Variants in COL6A3 observed in about 807,000 individuals in gnomAD.
The protein encoded by COL6A3 is collagen type VI alpha 3 chain.
In COL6A3, 137 loss-of-function variants were observed where a neutral mutation model predicts 274.1. The ratio of observed to expected loss-of-function variants is 0.50; its 90% CI spans 0.44 to 0.58. The LOEUF is 0.58. Among genes scored for constraint, COL6A3 ranks in the 20% least tolerant of loss-of-function variants. The pLI, the probability that COL6A3 is intolerant of heterozygous loss-of-function variation, is 0.00. For missense variants in COL6A3, 3,950 were observed against 4,124.9 expected (o/e 0.96, Z 1.16); for synonymous variants, 1,650 against 1,650.6 (o/e 1.00, Z 0.01).
rs1166183123 is a variant in COL6A3 at position 237,377,252 on chromosome 2, C to A, written c.2590G>T (p.Asp864Tyr). ...VVRDFLYKII[D>Y]ELNVKPEGTR... ...CCCTCTGGCTTCACATTGAGCTCAT[C>A]GATAATCTTGTAGAGAAAGTCACGG... Residue 864 changes from aspartate to tyrosine, a missense_variant, in exon 7 of 44, where the codon GAT becomes TAT. Physicochemically the swap from Asp to Tyr is radical, Grantham distance 160. Around this residue, in one of 5 missense-constraint regions of COL6A3, gnomAD observed 1,934 missense variants for 1,984.3 expected, o/e 0.97. Transcript: ENST00000295550. The A allele has an allele frequency of 6.2e-7, 1 of 1,610,852 alleles. No homozygotes were observed. The highest frequency in any genetic ancestry group is 1.1e-5 in the South Asian group (1 of 91,058).
intron 42 of COL6A3, chr2:237,333,160 C>T (rs1700351650): frequency 4.2e-6 from 2 of 472,938 alleles, no homozygotes; most frequent in South Asian, 4.8e-5. Context: ...CAACTCGAGT[C>T]CCAGTATGAG....
intron 1 of COL6A3, among the ~76,000 whole-genome samples, chr2:237,401,541 T>C (rs969788989): frequency 4.6e-5 from 7 of 152,122 alleles, no homozygotes; most frequent in South Asian, 4.1e-4. Context: ...TCCAGGACTG[T>C]GAAGCTCAGC....
intron 32 of COL6A3, 80 bp from the exon 33 acceptor site, chr2:237,345,293 A>G (rs368072362): frequency 7.2e-7 from 1 of 1,395,594 alleles, no homozygotes; most frequent in Non-Finnish European, 1.0e-6. Context: ...CCAGAAATAC[A>G]CAGAGCAAGA....
chr2:237,334,858 C>T lies in COL6A3; in HGVS notation c.8997G>A (p.Glu2999=), dbSNP rs2106312577. 6.2e-7 allele frequency: 1 copy of T among 1,614,192 alleles called. No individual in the cohort carries two copies. The highest frequency in any genetic ancestry group is 2.2e-5 in the East Asian group (1 of 44,884). ...GGAGTTTGGCGCTGTTCTCTGTTAT[C>T]TCAAACACCTGGACTTCACGGGACA... ...VKMSREVQVF[E]ITENSAKLHW... The change falls in exon 41 of 44, where the codon GAG becomes GAA. Residue 2999 remains glutamate (E), a synonymous_variant. Transcript: ENST00000295550.
chr2:237,352,187 G>T (rs963203392), intron 26 of COL6A3, among the ~76,000 whole-genome samples: 15 of 152,178 alleles, frequency 9.9e-5, no homozygotes, highest in Non-Finnish European at 1.9e-4. Flanking sequence ...GACCAAAGGG[G>T]AAACACCTTG....
In COL6A3 at chr2:237,375,004, G is replaced by A. The variant is rs113066678; in HGVS notation, c.3087C>T (p.Asp1029=). ...CAGAGCCATCAAGCAGAAACACCACGTCCTTTTCACCTGAAACTGGGAGGA... is the reference window on the plus strand; with the variant it reads ...CAGAGCCATCAAGCAGAAACACCACATCCTTTTCACCTGAAACTGGGAGGA... ...GAPAPVSGEK[D]VVFLLDGSEG... The change falls in exon 8 of 44, where the codon GAC becomes GAT. Residue 1029 remains aspartate, a synonymous_variant. Coordinates refer to ENST00000295550, the MANE Select transcript of COL6A3 (RefSeq NM_004369.4). The A allele has an allele frequency of 5.7e-3, 9,260 of 1,613,724 alleles. 30 individuals are homozygous for A. Among genetic ancestry groups the A allele is most frequent in the Non-Finnish European group, 7.0e-3 (8,267 of 1,180,016 alleles).
At chr2:237,399,654 C>T (rs1171943188) in intron 1 of COL6A3, among the ~76,000 whole-genome samples, 2 of 152,240 alleles carry the variant, frequency 1.3e-5, no homozygotes, top group Non-Finnish European at 2.9e-5. Context: ...GTAAAGAAAC[C>T]TGCTGTACTT....
chr2:237,392,288 T>C (rs182940553), intron 3 of COL6A3, among the ~76,000 whole-genome samples: 16 of 152,370 alleles, frequency 1.1e-4, no homozygotes, highest in African/African-American at 3.8e-4. Flanking sequence ...TTTCTGCTGA[T>C]GTTGGGTCAT....
At chr2:237,359,870 C>T (rs2077396614) in intron 17 of COL6A3, among the ~76,000 whole-genome samples, 1 of 152,176 alleles carries the variant, frequency 6.6e-6, no homozygotes, top group Admixed American at 6.5e-5. Flanking sequence ...TTCATGTTTC[C>T]ACAGGAAACT....
chr2:237,363,471 C>T (rs1372156883), intron 13 of COL6A3, 73 bp from the exon 14 acceptor site: 20 of 1,560,956 alleles, frequency 1.3e-5, no homozygotes, highest in Admixed American at 3.4e-5. Context: ...TTCCTGACTA[C>T]ATTTTTAAAG....
intron 1 of COL6A3, among the ~76,000 whole-genome samples, chr2:237,409,777 G>A (rs1044477858): frequency 3.9e-5 from 6 of 152,172 alleles, no homozygotes; most frequent in African/African-American, 1.2e-4. Context: ...CACCCTTACA[G>A]TTCTAAAATC....
In COL6A3 at chr2:237,347,815, C is replaced by G. The variant is rs759430722; in HGVS notation, c.7021G>C (p.Gly2341Arg). The G allele has an allele frequency of 6.2e-7, 1 of 1,610,822 alleles. No homozygotes were observed. Among genetic ancestry groups the G allele is most frequent in the Non-Finnish European group, 8.5e-7 (1 of 1,178,542 alleles). Reference sequence around the variant, plus strand: ...GGCCCACGCAAACTTACCCTTCGGCCTCTGATGCCTTTGGGTCCTGTTGTT... The same window carrying G: ...GGCCCACGCAAACTTACCCTTCGGCGTCTGATGCCTTTGGGTCCTGTTGTT... ...NGTTGPKGIRGRRGNSGPPGI... is the reference protein window; with the variant it reads ...NGTTGPKGIRRRRGNSGPPGI... Residue 2341 changes from glycine to arginine, a missense_variant, in exon 31 of 44, where the codon GGC becomes CGC. Coordinates refer to ENST00000295550, the MANE Select transcript of COL6A3 (RefSeq NM_004369.4).
At position 237,379,047 on chromosome 2, in the gene COL6A3, A is replaced by T. The variant is rs370342622; in HGVS notation, c.2086T>A (p.Tyr696Asn). Residue 696 changes from tyrosine (Y) to asparagine (N), a missense_variant, in exon 6 of 44, where the codon TAC becomes AAC. Around this residue, in one of 5 missense-constraint regions of COL6A3, gnomAD observed 1,934 missense variants for 1,984.3 expected, o/e 0.97. Transcript: ENST00000295550. ...CCAAGGATATCTGACTTGGTCTGGT[A>T]TGTGTTTAAAGAGAACTCCGTTACA... ...TPVTEFSLNTYQTKSDILGHL... is the reference protein window; with the variant it reads ...TPVTEFSLNTNQTKSDILGHL... 7 of 1,614,240 alleles carry T rather than the reference A, an allele frequency of 4.3e-6. No homozygotes were observed. The highest frequency in any genetic ancestry group is 4.2e-6 in the Non-Finnish European group (5 of 1,180,042).
rs1368065977 is a variant in COL6A3, at chr2:237,340,961, C to T, written c.7955G>A (p.Ser2652Asn). ...IAYLVRQLDM[S>N]PDPKASQHFA... Reference sequence around the variant, plus strand: ...GTGCTGGGAGGCCTTGGGATCTGGGCTCATGTCCAGTTGTCTGACCAGGTA... The same window carrying T: ...GTGCTGGGAGGCCTTGGGATCTGGGTTCATGTCCAGTTGTCTGACCAGGTA... Residue 2652 changes from serine (S) to asparagine (N), a missense_variant, in exon 38 of 44, where the codon AGC becomes AAC. Around this residue, in one of 5 missense-constraint regions of COL6A3, gnomAD observed 1,284 missense variants for 1,349.7 expected, o/e 0.95. Coordinates refer to ENST00000295550, the MANE Select transcript of COL6A3 (RefSeq NM_004369.4). The T allele has an allele frequency of 6.2e-6, 10 of 1,614,130 alleles. No individual in the cohort carries two copies. The East Asian group carries it at 2.2e-4, about 36-fold the overall frequency.
intron 25 of COL6A3, 91 bp from the exon 26 acceptor site, chr2:237,352,675 A>G: frequency 3.9e-6 from 5 of 1,273,198 alleles, no homozygotes; most frequent in Non-Finnish European, 4.5e-6. Context: ...CAGGGCCTGG[A>G]ACCTCACTTC....
At chr2:237,340,314 G>C in intron 38 of COL6A3, 138 bp downstream of exon 38, 1 of 788,246 alleles carries the variant, frequency 1.3e-6, no homozygotes, top group South Asian at 1.6e-5. Flanking sequence ...CATATGGCAG[G>C]TGTCAATATA....
At position 237,372,475 on chromosome 2, in the gene COL6A3, G is replaced by A; in HGVS notation, c.3680-138C>T. ...CACCACTGTTAAAAGTCCAAGAAGT[G>A]GGAGTCCTGGGCATTTCAGTGTTTA... On this transcript the variant is annotated intron_variant, in intron 8 of 43. Transcript: ENST00000295550. 3 of 1,511,522 alleles carry A rather than the reference G, an allele frequency of 2.0e-6. No individual in the cohort carries two copies. In the South Asian group the frequency reaches 3.5e-5, roughly 17 times the overall value. The allele number at this position is 1,511,522 out of a possible 1,614,324, so 93.6% of individuals were successfully genotyped here. A position where few individuals can be genotyped will look rare whatever the true frequency, so the allele number is the denominator to read the frequency against.
chr2:237,350,567 A>G (rs75838380), intron 27 of COL6A3, among the ~76,000 whole-genome samples: 2,019 of 152,318 alleles, frequency 0.013, 21 homozygotes, highest in Middle Eastern at 0.034. Context: ...TCTTTTACAG[A>G]GAACATGCAG....
rs2078741469 is a variant in COL6A3, at chr2:237,407,167, C to T, written c.-31+6786G>A. On this transcript the variant is annotated intron_variant, in intron 1 of 43. Transcript: ENST00000295550. The surrounding 1 kb of genome is among the most constrained non-coding windows in gnomAD (Gnocchi z 4.3). ...GCTCAAGGGATCCTCCTGCCCTGGC[C>T]TCCCAATGTGCTGGGATTATAGGCA... Among the ~76,000 whole-genome samples the T allele has an allele frequency of 6.6e-6, 1 of 152,140 alleles. No homozygotes were observed. The highest frequency in any genetic ancestry group is 1.5e-5 in the Non-Finnish European group (1 of 68,018).
Sources: allele counts gnomAD v4.1 joint callset (sites outside exome capture counted in the v4.1 genomes callset), GRCh38; gene constraint gnomAD v4.1.1; regional missense constraint gnomAD v4.1.1; non-coding constraint Gnocchi (gnomAD v3.1); transcripts MANE v1.5; gene names NCBI Gene and HGNC (gene_info 2026-07-23, HGNC 2026-07-21).